L3MBTL4: variants seen among roughly 807,000 people sequenced by gnomAD.
L3MBTL4 encodes L3MBTL histone methyl-lysine binding protein 4, also known as lethal(3)malignant brain tumor-like protein 4.
L3MBTL4 carries 70 observed loss-of-function variants against 84.5 expected under a neutral mutation model. The ratio of observed to expected loss-of-function variants is 0.83; its 90% CI spans 0.68 to 1.01. The LOEUF (loss-of-function observed/expected upper bound fraction) is 1.01, where lower values mean the gene tolerates loss of function less well. Ranked by LOEUF, L3MBTL4 falls within the 50% of genes least tolerant of loss-of-function variation. The pLI is 0.00. For synonymous variants in L3MBTL4, 274 were observed against 259.8 expected, an observed-to-expected ratio of 1.05 and a Z score of -0.52; for missense variants, 715 against 754.8, an observed-to-expected ratio of 0.95 and a Z score of 0.62.
chr18:6,285,700 A>G (rs2049542073), intron 4 of L3MBTL4, among the ~76,000 whole-genome samples: 1 of 152,050 alleles, frequency 6.6e-6, no homozygotes. Flanking sequence ...TGGATACTGA[A>G]GCAAGCTGCT....
intron 5 of L3MBTL4, among the ~76,000 whole-genome samples, chr18:6,254,021 T>C (rs899004730): frequency 4.6e-5 from 7 of 152,204 alleles, no homozygotes; most frequent in Non-Finnish European, 1.0e-4. Context: ...CACCTTAATA[T>C]AGCTGTTTTT....
At chr18:6,141,492 C>T (rs1314412423) in intron 13 of L3MBTL4, among the ~76,000 whole-genome samples, 1 of 152,148 alleles carries the variant, frequency 6.6e-6, no homozygotes, top group Admixed American at 6.5e-5. Context: ...CATGTTCAGA[C>T]TGAACCTATC....
At chr18:6,071,847 AGAGG>A (rs893323470) in intron 16 of L3MBTL4, among the ~76,000 whole-genome samples, 11 of 150,512 alleles carry the variant, frequency 7.3e-5, no homozygotes, top group South Asian at 2.1e-4. Context: ...AGAAAGAGAG[AGAGG>A]GAGGGAGGGA....
chr18:6,279,610 T>C (rs1180749909), intron 4 of L3MBTL4, among the ~76,000 whole-genome samples: 1 of 152,166 alleles, frequency 6.6e-6, no homozygotes, highest in Non-Finnish European at 1.5e-5. Flanking sequence ...TTTCCCACTG[T>C]TAACTGATTT....
intron 14 of L3MBTL4, among the ~76,000 whole-genome samples, chr18:6,128,564 A>G (rs1175651215): frequency 6.6e-6 from 1 of 152,172 alleles, no homozygotes; most frequent in African/African-American, 2.4e-5. Context: ...CAGACTCCTC[A>G]ACAACAAAAC....
chr18:5,974,153 T>C (rs1343048985), intron 16 of L3MBTL4, among the ~76,000 whole-genome samples: 1 of 152,232 alleles, frequency 6.6e-6, no homozygotes, highest in Non-Finnish European at 1.5e-5. Context: ...CCATTTTCCT[T>C]GCTATGGGTG....
intron 13 of L3MBTL4, among the ~76,000 whole-genome samples, chr18:6,149,511 G>A (rs1179123574): frequency 4.0e-5 from 6 of 151,694 alleles, no homozygotes; most frequent in African/African-American, 1.5e-4. Flanking sequence ...ATAAACATAC[G>A]TGTGCATGTG....
chr18:5,976,532 C>G (rs2052942232), intron 16 of L3MBTL4, among the ~76,000 whole-genome samples: 1 of 152,066 alleles, frequency 6.6e-6, no homozygotes, highest in Admixed American at 6.5e-5. Flanking sequence ...GCTTGAGTAG[C>G]CTGGATTACA....
intron 14 of L3MBTL4, among the ~76,000 whole-genome samples, chr18:6,117,208 T>C (rs1568148503): frequency 6.6e-6 from 1 of 152,096 alleles, no homozygotes; most frequent in Non-Finnish European, 1.5e-5. Flanking sequence ...TATAGACAGG[T>C]GACTGACAAA....
rs114469310 is a variant in L3MBTL4, at chr18:6,182,014, C to A, written c.982-10072G>T. On this transcript the variant is annotated intron_variant, in intron 12 of 18. Coordinates refer to ENST00000317931, the MANE Select transcript of L3MBTL4 (RefSeq NM_001330559.2). ...TATGGTAGAACGATTTATATTCCCC[C>A]AATAATGGGACTGCTGGGTTGAATG... is the stretch of plus-strand genomic sequence containing the variant. 5.5e-3 allele frequency among the ~76,000 whole-genome samples: 841 copies of A among 152,198 alleles called. 7 individuals are homozygous for A. The highest frequency in any genetic ancestry group is 0.016 in the African/African-American group (672 of 41,534).
chr18:6,155,992 AT>A (rs942320401), intron 13 of L3MBTL4, among the ~76,000 whole-genome samples: 9 of 152,202 alleles, frequency 5.9e-5, no homozygotes, highest in African/African-American at 1.2e-4. Flanking sequence ...GACAAAAAAA[AT>A]GAAAGATTTT....
At chr18:6,311,764 T>A (rs112664172) in intron 2 of L3MBTL4, 108 bp from the exon 3 acceptor site, 1 of 678,480 alleles carries the variant, frequency 1.5e-6, no homozygotes, top group African/African-American at 1.8e-5. Flanking sequence ...AGTTGGTTAC[T>A]ATAAATAACC....
chr18:6,071,001 GA>G (rs1353691089), intron 16 of L3MBTL4, among the ~76,000 whole-genome samples: 1 of 150,774 alleles, frequency 6.6e-6, no homozygotes, highest in African/African-American at 2.4e-5. Flanking sequence ...AATAGAGGGA[GA>G]ATGGTATACT....
intron 16 of L3MBTL4, among the ~76,000 whole-genome samples, chr18:6,073,706 T>G (rs1414856563): frequency 1.3e-5 from 2 of 152,232 alleles, no homozygotes; most frequent in Admixed American, 6.5e-5. Context: ...AAACTGAGCT[T>G]AATAATCAAT....
chr18:6,072,879 AAAATATATATAT>A (rs1477673059), intron 16 of L3MBTL4, among the ~76,000 whole-genome samples: 4 of 41,596 alleles, frequency 9.6e-5, no homozygotes, highest in Non-Finnish European at 1.8e-4. Context: ...AAAAAAAAAA[AAAATATATATAT>A]ATATATATAT....
At chr18:6,225,360 T>C (rs961426627) in intron 10 of L3MBTL4, among the ~76,000 whole-genome samples, 3 of 152,230 alleles carry the variant, frequency 2.0e-5, no homozygotes, top group Non-Finnish European at 4.4e-5. Flanking sequence ...CCTGCCCAAG[T>C]GCTCAAGGGA....
At chr18:6,389,213 G>A (rs1049032526) in intron 1 of L3MBTL4, among the ~76,000 whole-genome samples, 5 of 152,146 alleles carry the variant, frequency 3.3e-5, no homozygotes, top group Admixed American at 6.5e-5. Flanking sequence ...ACAAATGAAG[G>A]AGAAATAAAT....
At chr18:6,035,238 A>T (rs2056068518) in intron 16 of L3MBTL4, among the ~76,000 whole-genome samples, 1 of 151,714 alleles carries the variant, frequency 6.6e-6, no homozygotes, top group African/African-American at 2.4e-5. Context: ...CTATGTCCTG[A>T]ATGGTAATGC....
At chr18:6,266,751 C>A (rs1171621467) in intron 4 of L3MBTL4, among the ~76,000 whole-genome samples, 1 of 151,974 alleles carries the variant, frequency 6.6e-6, no homozygotes, top group Non-Finnish European at 1.5e-5. Flanking sequence ...TGGTGAAACC[C>A]CATCTCTCCT....
Sources: allele counts gnomAD v4.1 joint callset (sites outside exome capture counted in the v4.1 genomes callset), GRCh38; gene constraint gnomAD v4.1.1; transcripts MANE v1.5; gene names NCBI Gene and HGNC (gene_info 2026-07-23, HGNC 2026-07-21).